Variants in GREB1L observed in about 807,000 individuals in gnomAD.
GREB1L encodes GREB1-like protein.
GREB1L carries 17 observed loss-of-function variants against 200.8 expected under a neutral mutation model. The observed-to-expected ratio is 0.08, with a 90% CI of 0.06 to 0.13. The LOEUF (loss-of-function observed/expected upper bound fraction) is 0.13. Among genes scored for constraint, GREB1L ranks in the 10% least tolerant of loss-of-function variants. The pLI is 1.00. For synonymous variants in GREB1L, 789 were observed against 893.0 expected (o/e 0.88, Z 2.08); for missense variants, 1,657 against 2,367.7 (o/e 0.70, Z 6.23).
rs1179399789 is a variant in GREB1L at position 21,524,382 on chromosome 18, T to C, written c.*1561T>C. The C allele has an allele frequency of 6.6e-6, 1 of 152,212 alleles. No individual in the cohort carries two copies. Among genetic ancestry groups the C allele is most frequent in the East Asian group, 1.9e-4 (1 of 5,198 alleles). The allele number at this position is 152,212 out of a possible 1,614,324, so 9.4% of individuals were successfully genotyped here. A position where few individuals can be genotyped will look rare whatever the true frequency, so the allele number is the denominator to read the frequency against. ...TTTAACTGTATTTTGAAGTGAACAA[T>C]TCCTTTTAACCCCATTTTTAATTGT... is the stretch of plus-strand genomic sequence containing the variant. On this transcript the variant is annotated 3_prime_UTR_variant, in exon 33 of 33. Coordinates refer to ENST00000424526, the MANE Select transcript of GREB1L (RefSeq NM_001142966.3).
chr18:21,492,526 C>T (rs2036382945), intron 19 of GREB1L, among the ~76,000 whole-genome samples: 1 of 152,038 alleles, frequency 6.6e-6, no homozygotes, highest in Admixed American at 6.6e-5. Context: ...ATCATGTGTT[C>T]AGAAGGGCCA....
At chr18:21,278,392 AT>A (rs1298111533) in intron 1 of GREB1L, among the ~76,000 whole-genome samples, 7,245 of 112,460 alleles carry the variant, frequency 0.064, 296 homozygotes, top group African/African-American at 0.12. Context: ...AAAAAAAAAA[AT>A]AAATAAATAA....
intron 29 of GREB1L, 64 bp from the exon 30 acceptor site, chr18:21,516,549 G>T: frequency 6.9e-7 from 1 of 1,449,388 alleles, no homozygotes; most frequent in Non-Finnish European, 9.4e-7. Flanking sequence ...TTATTTCTCT[G>T]TGTATAGTTA....
chr18:21,256,930 G>A (rs192357211), intron 1 of GREB1L, among the ~76,000 whole-genome samples: 4 of 151,438 alleles, frequency 2.6e-5, no homozygotes, highest in South Asian at 2.1e-4. Context: ...GTTTGAACCC[G>A]GGAGGTGGCG....
At chr18:21,314,375 A>G (rs776915917) in intron 1 of GREB1L, among the ~76,000 whole-genome samples, 8 of 152,158 alleles carry the variant, frequency 5.3e-5, no homozygotes, top group South Asian at 2.1e-4. Flanking sequence ...CAGTTTCCAC[A>G]CTTTCACACG....
Position 21,505,955 on chromosome 18 carries a change from A to AT in GREB1L, c.4368+7dup, listed in dbSNP as rs1238446350. The AT allele has an allele frequency of 2.6e-6, 4 of 1,550,246 alleles. No individual in the cohort carries two copies. The African/African-American group carries it at 5.5e-5, about 21-fold the overall frequency. On this transcript the variant is annotated splice_region_variant and intron_variant, in intron 25 of 32. Coordinates refer to ENST00000424526, the MANE Select transcript of GREB1L (RefSeq NM_001142966.3). ...ACTTCACCTCTGCCTCCCAGGTACC[A>AT]TCCCACCTTCGCCCTCGCCCTCTGT...
At chr18:21,255,119 C>T (rs892831665) in intron 1 of GREB1L, among the ~76,000 whole-genome samples, 4 of 152,122 alleles carry the variant, frequency 2.6e-5, no homozygotes, top group African/African-American at 4.8e-5. Context: ...ATTGAATTTA[C>T]TTAGTTCCCT....
chr18:21,486,391 G>A (rs1381705272), intron 18 of GREB1L, among the ~76,000 whole-genome samples: 8 of 150,434 alleles, frequency 5.3e-5, no homozygotes, highest in African/African-American at 9.8e-5. Context: ...TCTGAGCTCC[G>A]GCCTCTCCTA....
intron 1 of GREB1L, among the ~76,000 whole-genome samples, chr18:21,318,530 C>A (rs567980928): frequency 1.3e-4 from 20 of 152,278 alleles, no homozygotes; most frequent in South Asian, 1.0e-3. Context: ...GGTCAAAACC[C>A]AGTCATAATT....
intron 7 of GREB1L, among the ~76,000 whole-genome samples, chr18:21,431,057 TG>T (rs2033116898): frequency 6.6e-6 from 1 of 151,466 alleles, no homozygotes; most frequent in Admixed American, 6.6e-5. Context: ...AATCTTGTTC[TG>T]TCACCCAGGC....
chr18:21,256,743 C>A (rs548106018), intron 1 of GREB1L, among the ~76,000 whole-genome samples: 2 of 152,022 alleles, frequency 1.3e-5, no homozygotes, highest in Non-Finnish European at 2.9e-5. Context: ...CTCCCAGTCA[C>A]GCCTGTAATC....
Position 21,518,248 on chromosome 18 carries a change from G to A in GREB1L, c.5472+14G>A. Reference sequence around the variant, plus strand: ...ATTGGACCAGAGGTAAAAAGGGTGTGGGGGATACTGTGCTTACCTACATCC... The same window carrying A: ...ATTGGACCAGAGGTAAAAAGGGTGTAGGGGATACTGTGCTTACCTACATCC... On this transcript the variant is annotated intron_variant, in intron 31 of 32. Transcript: ENST00000424526. The A allele has an allele frequency of 6.5e-7, 1 of 1,549,760 alleles. No individual in the cohort carries two copies. Among genetic ancestry groups the A allele is most frequent in the Non-Finnish European group, 8.7e-7 (1 of 1,145,326 alleles).
Position 21,500,585 on chromosome 18 carries a change from C to T in GREB1L, c.4015C>T (p.Arg1339Cys), listed in dbSNP as rs938091046. Reference sequence around the variant, plus strand: ...TTTACAGTTCCTCAGGATCCTCTTCCGCATGCTCATCAGGCTCCTGGAGGT... The same window carrying T: ...TTTACAGTTCCTCAGGATCCTCTTCTGCATGCTCATCAGGCTCCTGGAGGT... ...SYLQFLRILFRMLIRLLEVDV... is the reference protein window; with the variant it reads ...SYLQFLRILFCMLIRLLEVDV... The change falls in exon 23 of 33, where the codon CGC becomes TGC. Residue 1339 changes from arginine (R) to cysteine (C), a missense_variant. This residue lies in a region of GREB1L where 512 missense variants were observed against 668.3 expected (regional missense o/e 0.77). Transcript: ENST00000424526. 8 of 1,551,220 alleles carry T rather than the reference C, an allele frequency of 5.2e-6. No homozygotes were observed. Among genetic ancestry groups the T allele is most frequent in the Non-Finnish European group, 6.1e-6 (7 of 1,146,900 alleles).
chr18:21,370,430 C>G (rs1342366770), intron 2 of GREB1L, among the ~76,000 whole-genome samples: 1 of 152,148 alleles, frequency 6.6e-6, no homozygotes, highest in African/African-American at 2.4e-5. Flanking sequence ...GGATTTGAGA[C>G]TGAAAACTTA....
At chr18:21,371,602 A>G (rs756386750) in intron 2 of GREB1L, among the ~76,000 whole-genome samples, 3 of 151,780 alleles carry the variant, frequency 2.0e-5, no homozygotes, top group Non-Finnish European at 2.9e-5. Flanking sequence ...CCTGGCTTAC[A>G]TGGTGAAACC....
At position 21,338,240 on chromosome 18, in the gene GREB1L, C is replaced by CT. The variant is rs2039217791; in HGVS notation, c.-119-27786dup. Among the ~76,000 whole-genome samples the CT allele has an allele frequency of 2.6e-5, 4 of 152,302 alleles. No homozygotes were observed. The South Asian group carries it at 8.3e-4, about 32-fold the overall frequency. Reference sequence around the variant, plus strand: ...CCTAGACCCACTGACTCATGAATCTCTGAGAGGGAATAAGAGCTCTACATG... The same window carrying CT: ...CCTAGACCCACTGACTCATGAATCTCTTGAGAGGGAATAAGAGCTCTACATG... On this transcript the variant is annotated intron_variant, in intron 1 of 32. Coordinates refer to ENST00000424526, the MANE Select transcript of GREB1L (RefSeq NM_001142966.3).
Position 21,440,287 on chromosome 18 carries a change from G to T in GREB1L, c.968G>T (p.Gly323Val), listed in dbSNP as rs1287687444. Residue 323 changes from glycine to valine, a missense_variant, in exon 9 of 33, where the codon GGG (glycine) becomes GTG (valine). Transcript: ENST00000424526. ...SGDQATMFISGPPKKRHRGWY... is the reference protein window; with the variant it reads ...SGDQATMFISVPPKKRHRGWY... ...TCTTCAGCTACCATGTTCATTTCTG[G>T]GCCACCAAAGAAACGACACCGGGGA... The T allele has an allele frequency of 1.9e-6, 3 of 1,550,958 alleles. No individual in the cohort carries two copies. Among genetic ancestry groups the T allele is most frequent in the Non-Finnish European group, 2.6e-6 (3 of 1,146,828 alleles).
At chr18:21,494,858 A>G (rs1447305388) in intron 19 of GREB1L, among the ~76,000 whole-genome samples, 2 of 152,204 alleles carry the variant, frequency 1.3e-5, no homozygotes, top group Non-Finnish European at 2.9e-5. Context: ...TTACTTTTGA[A>G]TATTTTTCAA....
chr18:21,366,352 C>T (rs2039680244), intron 2 of GREB1L, among the ~76,000 whole-genome samples: 1 of 151,926 alleles, frequency 6.6e-6, no homozygotes, highest in Admixed American at 6.6e-5. Context: ...TACAACAACC[C>T]CTGTATTTCC....
Sources: allele counts gnomAD v4.1 joint callset (sites outside exome capture counted in the v4.1 genomes callset), GRCh38; gene constraint gnomAD v4.1.1; regional missense constraint gnomAD v4.1.1; transcripts MANE v1.5; gene names NCBI Gene and HGNC (gene_info 2026-07-23, HGNC 2026-07-21).